Variants in ANK3 observed in about 807,000 individuals in gnomAD.
ANK3 encodes ankyrin 3, also known as ankyrin-3.
ANK3 carries 57 observed loss-of-function variants against 370.9 expected under a neutral mutation model. That is an observed-to-expected ratio of 0.15 (90% CI 0.12 to 0.19). The LOEUF is 0.19. ANK3 is among the 10% of genes least tolerant of loss of function. ANK3 has a pLI of 1.00. For missense variants in ANK3, 4,439 were observed against 5,302.1 expected, an observed-to-expected ratio of 0.84 and a Z score of 5.06; for synonymous variants, 1,929 against 1,946.3, an observed-to-expected ratio of 0.99 and a Z score of 0.23.
In ANK3 at chr10:60,354,775, C is replaced by T. The variant is rs567589276; in HGVS notation, c.114+34650G>A. Among the ~76,000 whole-genome samples, 54 of 152,168 alleles carry T rather than the reference C, an allele frequency of 3.5e-4. 1 individual carries two copies. The highest frequency in any genetic ancestry group is 1.1e-3 in the African/African-American group (44 of 41,516). ...TTTTATCCTATTTTAGAAGAACTAC[C>T]CCCCTACAATGCAGTTGTATAAAAA... is the stretch of plus-strand genomic sequence containing the variant. On this transcript the variant is annotated intron_variant, in intron 1 of 43. Transcript: ENST00000280772.
intron 1 of ANK3, among the ~76,000 whole-genome samples, chr10:60,662,681 T>C (rs1197811869): frequency 1.3e-5 from 2 of 152,204 alleles, no homozygotes; most frequent in Non-Finnish European, 2.9e-5. Context: ...AGCAAATGTT[T>C]ATATCTATGT....
chr10:60,212,011 A>C (rs1037351135), intron 9 of ANK3, among the ~76,000 whole-genome samples: 7 of 152,222 alleles, frequency 4.6e-5, no homozygotes, highest in Admixed American at 2.6e-4. Context: ...AGGTAACAGA[A>C]AAAAATGTAC....
At chr10:60,365,268 A>G (rs1033461571) in intron 1 of ANK3, among the ~76,000 whole-genome samples, 5 of 151,944 alleles carry the variant, frequency 3.3e-5, no homozygotes, top group Non-Finnish European at 5.9e-5. Context: ...AAGAAATCAA[A>G]AACTATAAAA....
intron 8 of ANK3, among the ~76,000 whole-genome samples, chr10:60,218,612 C>T (rs796912871): frequency 2.4e-4 from 36 of 152,082 alleles, no homozygotes; most frequent in African/African-American, 8.5e-4. Flanking sequence ...AATATTGGCC[C>T]TCAATCTCTT....
chr10:60,288,244 T>C (rs188834193), intron 1 of ANK3, among the ~76,000 whole-genome samples: 2 of 152,270 alleles, frequency 1.3e-5, no homozygotes, highest in South Asian at 2.1e-4. Flanking sequence ...AAAGATCCCT[T>C]CATATTTGCT....
At chr10:60,282,332 T>C (rs1330160389) in intron 1 of ANK3, among the ~76,000 whole-genome samples, 1 of 152,208 alleles carries the variant, frequency 6.6e-6, no homozygotes, top group Non-Finnish European at 1.5e-5. Context: ...AATAATTCCA[T>C]ACACTGTCCA....
intron 23 of ANK3, among the ~76,000 whole-genome samples, chr10:60,153,349 G>A (rs2095221047): frequency 6.6e-6 from 1 of 152,174 alleles, no homozygotes; most frequent in Non-Finnish European, 1.5e-5. Flanking sequence ...CCATGTGAGA[G>A]ATGTGGTGGC....
At chr10:60,270,264 T>C in intron 4 of ANK3, 35 bp from the exon 5 acceptor site, 1 of 1,463,014 alleles carries the variant, frequency 6.8e-7, no homozygotes. Flanking sequence ...TGTCTGCAGC[T>C]TTCCAGAGAC....
chr10:60,552,839 T>C (rs901518975), intron 2 of ANK3, among the ~76,000 whole-genome samples: 1 of 151,826 alleles, frequency 6.6e-6, no homozygotes, highest in Admixed American at 6.6e-5. Flanking sequence ...ATCATGGGGG[T>C]GGGTCTTTGC....
intron 22 of ANK3, 31 bp from the exon 23 acceptor site, chr10:60,166,684 A>T (rs939255097): frequency 6.2e-7 from 1 of 1,607,822 alleles, no homozygotes; most frequent in African/African-American, 1.3e-5. Flanking sequence ...ATATAAGTGG[A>T]TGAAAAATAC....
At chr10:60,177,593 C>CTTTTTTT (rs771714886) in intron 18 of ANK3, among the ~76,000 whole-genome samples, 24,206 of 105,806 alleles carry the variant, frequency 0.23, 4,512 homozygotes, top group Non-Finnish European at 0.27. Context: ...GTCTTCAAAT[C>CTTTTTTT]TTTTTTTTTT....
intron 2 of ANK3, among the ~76,000 whole-genome samples, chr10:60,537,474 A>G (rs1242045696): frequency 6.6e-6 from 1 of 151,938 alleles, no homozygotes; most frequent in Non-Finnish European, 1.5e-5. Context: ...CACAGAAAAC[A>G]GAGGGATTAA....
At chr10:60,129,099 C>T (rs1220230615) in intron 25 of ANK3, among the ~76,000 whole-genome samples, 1 of 152,218 alleles carries the variant, frequency 6.6e-6, no homozygotes, top group Non-Finnish European at 1.5e-5. Flanking sequence ...GTGTTGCTCT[C>T]AGACAATCTG....
chr10:60,156,423 C>T (rs1427074410), intron 23 of ANK3, among the ~76,000 whole-genome samples: 1 of 152,152 alleles, frequency 6.6e-6, no homozygotes, highest in Non-Finnish European at 1.5e-5. Flanking sequence ...TTGGAATAAA[C>T]ATCAGCGACA....
chr10:60,729,469 T>C (rs1352599524), intron 1 of ANK3, among the ~76,000 whole-genome samples: 2 of 152,230 alleles, frequency 1.3e-5, no homozygotes, highest in Non-Finnish European at 2.9e-5. Context: ...TAGTTCTTAA[T>C]TCAACAATGG....
At chr10:60,470,113 C>T (rs116299330) in intron 2 of ANK3, among the ~76,000 whole-genome samples, 1,784 of 152,146 alleles carry the variant, frequency 0.012, 36 homozygotes, top group African/African-American at 0.041. Flanking sequence ...CAAAGTTTTT[C>T]GGCTTTCCTT....
At chr10:60,495,008 A>G (rs2075617774) in intron 2 of ANK3, among the ~76,000 whole-genome samples, 1 of 152,192 alleles carries the variant, frequency 6.6e-6, no homozygotes, top group Admixed American at 6.5e-5. Context: ...TTTCCACAAA[A>G]GATCAGATTA....
intron 1 of ANK3, among the ~76,000 whole-genome samples, chr10:60,646,315 G>C (rs909863786): frequency 2.0e-5 from 3 of 152,164 alleles, no homozygotes; most frequent in Non-Finnish European, 4.4e-5. Flanking sequence ...ACTTGGAAGT[G>C]TTCTATGCAA....
In ANK3 at chr10:60,628,520, C is replaced by T. The variant is rs370417428; in HGVS notation, c.58-13296G>A. Among the ~76,000 whole-genome samples the T allele has an allele frequency of 5.3e-5, 8 of 152,274 alleles. No homozygotes were observed. The East Asian group carries it at 1.5e-3, about 29-fold the overall frequency. ...ATGACCCTATGATTCTGTGCTTAGC[C>T]TCTGCTGCAGAAAGGAATAGCTTTA... On this transcript the variant is annotated intron_variant, in intron 1 of 43. Coordinates refer to the ANK3 transcript ENST00000373827.
Sources: allele counts gnomAD v4.1 joint callset (sites outside exome capture counted in the v4.1 genomes callset), GRCh38; gene constraint gnomAD v4.1.1; transcripts MANE v1.5; gene names NCBI Gene and HGNC (gene_info 2026-07-23, HGNC 2026-07-21).